The following PARD3B variants were observed in gnomAD, a reference collection of about 807,000 sequenced individuals.
PARD3B encodes the protein par-3 family cell polarity regulator beta.
PARD3B carries 103 observed loss-of-function variants against 130.2 expected under a neutral mutation model. That is an observed-to-expected ratio of 0.79 (90% CI 0.67 to 0.93). The LOEUF is 0.93. Among genes scored for constraint, PARD3B ranks in the 40% least tolerant of loss-of-function variants. The pLI is 0.00. For missense variants in PARD3B, 1,609 were observed against 1,499.2 expected (o/e 1.07, Z -1.21); for synonymous variants, 583 against 553.2 (o/e 1.05, Z -0.76).
At chr2:205,605,605 T>C (rs2054962874) in intron 22 of PARD3B, among the ~76,000 whole-genome samples, 1 of 152,212 alleles carries the variant, frequency 6.6e-6, no homozygotes, top group Non-Finnish European at 1.5e-5. Flanking sequence ...ATAGCAAAGA[T>C]GGCTGCCTGC....
intron 1 of PARD3B, among the ~76,000 whole-genome samples, chr2:204,573,190 C>G (rs1274612467): frequency 1.3e-5 from 2 of 152,168 alleles, no homozygotes; most frequent in African/African-American, 2.4e-5. Flanking sequence ...CTGAAATTGA[C>G]CCAGGTCTCT....
At position 205,339,244 on chromosome 2, in the gene PARD3B, T is replaced by C. The variant is rs971565181; in HGVS notation, c.2630+37543T>C. ...ACAAAGGAAAATAAAATTTTAATGATAGTAAAGTTATCAACACAAAATAAG... is the reference window on the plus strand; with the variant it reads ...ACAAAGGAAAATAAAATTTTAATGACAGTAAAGTTATCAACACAAAATAAG... On this transcript the variant is annotated intron_variant, in intron 18 of 22. Coordinates refer to ENST00000406610, the MANE Select transcript of PARD3B (RefSeq NM_001302769.2). Among the ~76,000 whole-genome samples, 5 of 152,186 alleles carry C rather than the reference T, an allele frequency of 3.3e-5. No homozygotes were observed. The South Asian group carries it at 1.0e-3, about 32-fold the overall frequency.
chr2:205,553,294 C>G, intron 21 of PARD3B, 30 bp from the exon 22 acceptor site: 3 of 1,589,896 alleles, frequency 1.9e-6, no homozygotes, highest in Non-Finnish European at 2.6e-6. Context: ...TATAATGGAT[C>G]TTCATCTCTA....
At chr2:204,650,044 T>C in intron 1 of PARD3B, among the ~76,000 whole-genome samples, 1 of 151,966 alleles carries the variant, frequency 6.6e-6, no homozygotes, top group Non-Finnish European at 1.5e-5. Context: ...CCAGTATATA[T>C]AAGGAACTTA....
At chr2:204,644,062 A>G (rs566127265) in intron 1 of PARD3B, among the ~76,000 whole-genome samples, 20 of 152,224 alleles carry the variant, frequency 1.3e-4, no homozygotes, top group African/African-American at 4.8e-4. Flanking sequence ...TCGTTCTCTG[A>G]AGGAGGCTTG....
intron 22 of PARD3B, among the ~76,000 whole-genome samples, chr2:205,603,087 T>C (rs1187795124): frequency 1.3e-5 from 2 of 152,228 alleles, no homozygotes; most frequent in Admixed American, 6.5e-5. Flanking sequence ...TTCAAAGAAC[T>C]TCTTGATTTC....
intron 3 of PARD3B, among the ~76,000 whole-genome samples, chr2:205,023,970 G>C (rs992088006): frequency 2.0e-5 from 3 of 151,950 alleles, no homozygotes; most frequent in African/African-American, 7.3e-5. Flanking sequence ...TGTGTGGTGA[G>C]GAGAAAATCC....
At chr2:205,492,592 A>G (rs1178927980) in intron 20 of PARD3B, among the ~76,000 whole-genome samples, 5 of 152,186 alleles carry the variant, frequency 3.3e-5, no homozygotes, top group African/African-American at 9.6e-5. Flanking sequence ...ATAGTCAGCT[A>G]TCAGTCCTAA....
At chr2:204,783,408 C>A (rs1275508598) in intron 2 of PARD3B, among the ~76,000 whole-genome samples, 2 of 152,018 alleles carry the variant, frequency 1.3e-5, no homozygotes, top group Admixed American at 6.6e-5. Flanking sequence ...CTAAGGGGAC[C>A]AATCTTACAG....
chr2:204,585,178 A>C (rs573124389), intron 1 of PARD3B, among the ~76,000 whole-genome samples: 1 of 152,198 alleles, frequency 6.6e-6, no homozygotes, highest in African/African-American at 2.4e-5. Context: ...AATGCTTCCT[A>C]TTGGCCCAGA....
chr2:204,730,199 C>G (rs1396789834), intron 2 of PARD3B, among the ~76,000 whole-genome samples: 2 of 152,004 alleles, frequency 1.3e-5, no homozygotes, highest in Non-Finnish European at 2.9e-5. Flanking sequence ...ATCAGCCTCC[C>G]GAGTAGCTGG....
intron 22 of PARD3B, among the ~76,000 whole-genome samples, chr2:205,614,783 G>A (rs1251655525): frequency 6.6e-6 from 1 of 151,928 alleles, no homozygotes; most frequent in Admixed American, 6.6e-5. Context: ...AGAGCATTTA[G>A]GGAGGGGAGG....
At chr2:204,723,959 CT>C (rs1306380663) in intron 2 of PARD3B, among the ~76,000 whole-genome samples, 8 of 151,990 alleles carry the variant, frequency 5.3e-5, no homozygotes, top group Non-Finnish European at 1.2e-4. Context: ...GATTTGAGTT[CT>C]TATACACCTT....
chr2:205,219,232 G>A (rs2038109856), intron 15 of PARD3B, among the ~76,000 whole-genome samples: 1 of 152,164 alleles, frequency 6.6e-6, no homozygotes, highest in Non-Finnish European at 1.5e-5. Context: ...TATTTAATAT[G>A]TATGTGTAAT....
At chr2:205,266,423 A>G (rs1453159038) in intron 16 of PARD3B, among the ~76,000 whole-genome samples, 3 of 152,198 alleles carry the variant, frequency 2.0e-5, no homozygotes, top group Admixed American at 2.0e-4. Context: ...CAAACATTAT[A>G]GGTCAAAAAT....
intron 3 of PARD3B, among the ~76,000 whole-genome samples, chr2:205,047,028 G>C (rs906535576): frequency 6.6e-6 from 1 of 152,136 alleles, no homozygotes; most frequent in Non-Finnish European, 1.5e-5. Flanking sequence ...TTCTTTATCA[G>C]TTCTATCTAC....
At chr2:204,703,565 T>C (rs922339095) in intron 2 of PARD3B, among the ~76,000 whole-genome samples, 5 of 152,212 alleles carry the variant, frequency 3.3e-5, no homozygotes, top group Non-Finnish European at 7.3e-5. Flanking sequence ...TAAAATGATT[T>C]GAATTTCAGG....
chr2:205,440,594 T>A lies in PARD3B; in HGVS notation c.2966T>A (p.Leu989Gln). ...GGTTACCCTCGGGATGGCCATCCAC[T>A]GTCTCCAGAAAGAGACCACTTAGAG... is the stretch of plus-strand genomic sequence containing the variant. ...PFGYPRDGHP[L>Q]SPERDHLEGL... Residue 989 changes from leucine (L) to glutamine (Q), a missense_variant, in exon 20 of 23, where the codon CTG becomes CAG. Coordinates refer to ENST00000406610, the MANE Select transcript of PARD3B (RefSeq NM_001302769.2). The surrounding 1 kb of genome is among the most constrained non-coding windows in gnomAD (Gnocchi z 4.2). The A allele has an allele frequency of 6.2e-7, 1 of 1,614,048 alleles. No individual in the cohort carries two copies. Among genetic ancestry groups the A allele is most frequent in the Non-Finnish European group, 8.5e-7 (1 of 1,179,924 alleles).
chr2:204,916,611 A>C (rs2047455620), intron 2 of PARD3B, among the ~76,000 whole-genome samples: 1 of 152,192 alleles, frequency 6.6e-6, no homozygotes, highest in African/African-American at 2.4e-5. Flanking sequence ...AAGGAAAATA[A>C]ATGAGAAAAT....
Sources: allele counts gnomAD v4.1 joint callset (sites outside exome capture counted in the v4.1 genomes callset), GRCh38; gene constraint gnomAD v4.1.1; non-coding constraint Gnocchi (gnomAD v3.1); transcripts MANE v1.5; gene names NCBI Gene and HGNC (gene_info 2026-07-23, HGNC 2026-07-21).